Variants in CENPW observed in about 807,000 individuals in gnomAD.
The protein encoded by CENPW is centromere protein W.
A neutral mutation model predicts 11.1 loss-of-function variants in CENPW; 3 were observed. The observed-to-expected ratio is 0.27, with a 90% CI of 0.12 to 0.70. The LOEUF (loss-of-function observed/expected upper bound fraction) is 0.70, where lower values mean the gene tolerates loss of function less well. Ranked by LOEUF, CENPW falls within the 30% of genes least tolerant of loss-of-function variation. CENPW has a pLI of 0.77. For missense variants in CENPW, 100 were observed against 105.6 expected, an observed-to-expected ratio of 0.95 and a Z score of 0.23; for synonymous variants, 38 against 42.0, an observed-to-expected ratio of 0.91 and a Z score of 0.37.
At chr6:126,386,699 CT>C in the CENPW span, among the ~76,000 whole-genome samples, 66,246 of 151,644 alleles carry the variant, frequency 0.44, 16,872 homozygotes, top group East Asian at 0.98. Context: ...ATTCAACACC[CT>C]TTTTTATTCC....
chr6:126,380,459 T>C, the CENPW span, among the ~76,000 whole-genome samples: 1 of 152,158 alleles, frequency 6.6e-6, no homozygotes. Context: ...GGCTCTGCTG[T>C]TGTGTGTAAT....
the CENPW span, among the ~76,000 whole-genome samples, chr6:126,453,837 G>T: frequency 2.6e-5 from 4 of 151,196 alleles, no homozygotes. Context: ...ACACCCATAG[G>T]TGCAGGGTAA....
At chr6:126,386,685 T>C in the CENPW span, among the ~76,000 whole-genome samples, 1 of 129,932 alleles carries the variant, frequency 7.7e-6, no homozygotes, top group African/African-American at 2.5e-5. Context: ...TAATTTATTT[T>C]TTTATTCAAC....
chr6:126,448,063 T>C, the CENPW span, among the ~76,000 whole-genome samples: 1 of 151,190 alleles, frequency 6.6e-6, no homozygotes, highest in Non-Finnish European at 1.5e-5. Flanking sequence ...ATCAGCAGAG[T>C]ATGTTAAAAA....
At chr6:126,400,689 T>A in the CENPW span, among the ~76,000 whole-genome samples, 1 of 152,194 alleles carries the variant, frequency 6.6e-6, no homozygotes, top group African/African-American at 2.4e-5. Flanking sequence ...TTGTTATTGT[T>A]ACACAAATCT....
chr6:126,446,358 C>A, the CENPW span, among the ~76,000 whole-genome samples: 1 of 138,370 alleles, frequency 7.2e-6, no homozygotes, highest in Non-Finnish European at 1.6e-5. Context: ...CCCTCCCTGG[C>A]CCCCCCACAA....
At chr6:126,421,996 G>C in the CENPW span, among the ~76,000 whole-genome samples, 1 of 152,062 alleles carries the variant, frequency 6.6e-6, no homozygotes, top group East Asian at 1.9e-4. Flanking sequence ...GAAATAACCA[G>C]AAGAAAAGGG....
At chr6:126,468,217 T>C in the CENPW span, among the ~76,000 whole-genome samples, 5,128 of 151,688 alleles carry the variant, frequency 0.034, 112 homozygotes, top group Non-Finnish European at 0.051. Flanking sequence ...GGTTGGGAGT[T>C]TGAGACCAGC....
chr6:126,459,498 A>G, the CENPW span, among the ~76,000 whole-genome samples: 1 of 151,658 alleles, frequency 6.6e-6, no homozygotes, highest in Non-Finnish European at 1.5e-5. Flanking sequence ...CAGAATGACA[A>G]TTGTTTACCT....
At chr6:126,480,250 G>T in the CENPW span, among the ~76,000 whole-genome samples, 1 of 151,938 alleles carries the variant, frequency 6.6e-6, no homozygotes, top group Non-Finnish European at 1.5e-5. Flanking sequence ...TCAAGGAAAG[G>T]GTTAGGAGAA....
chr6:126,438,844 A>T, the CENPW span, among the ~76,000 whole-genome samples: 7 of 151,728 alleles, frequency 4.6e-5, no homozygotes, highest in Admixed American at 4.6e-4. Flanking sequence ...TACACTTTTA[A>T]TTAAACAAAA....
chr6:126,385,400 T>C, the CENPW span, among the ~76,000 whole-genome samples: 1 of 152,164 alleles, frequency 6.6e-6, no homozygotes, highest in African/African-American at 2.4e-5. Flanking sequence ...ATGTGGTGCA[T>C]ATACCATGGA....
the CENPW span, among the ~76,000 whole-genome samples, chr6:126,441,569 A>C: frequency 1.3e-5 from 2 of 151,414 alleles, no homozygotes; most frequent in South Asian, 2.1e-4. Flanking sequence ...AGCAGTGTAC[A>C]CTGTGCCCAA....
the CENPW span, among the ~76,000 whole-genome samples, chr6:126,423,895 G>A: frequency 6.6e-6 from 1 of 150,766 alleles, no homozygotes; most frequent in African/African-American, 2.4e-5. Context: ...CAATGTGCAG[G>A]TTAGTTACAT....
the CENPW span, among the ~76,000 whole-genome samples, chr6:126,413,725 A>G: frequency 6.6e-6 from 1 of 152,084 alleles, no homozygotes; most frequent in Middle Eastern, 3.4e-3. Context: ...AAACCACCAT[A>G]TCACGATGAT....
At chr6:126,372,845 A>C in the CENPW span, among the ~76,000 whole-genome samples, 1 of 152,212 alleles carries the variant, frequency 6.6e-6, no homozygotes, top group Non-Finnish European at 1.5e-5. Flanking sequence ...ATTGCTACTC[A>C]CATAAGTCCT....
chr6:126,357,042 C>A, the CENPW span, among the ~76,000 whole-genome samples: 1 of 152,128 alleles, frequency 6.6e-6, no homozygotes, highest in Non-Finnish European at 1.5e-5. Context: ...AGGGTATTTC[C>A]TAGGCTGCTT....
chr6:126,381,299 A>G, the CENPW span, among the ~76,000 whole-genome samples: 2 of 152,192 alleles, frequency 1.3e-5, no homozygotes, highest in Admixed American at 1.3e-4. Flanking sequence ...TGTTGGCAGC[A>G]GTATCACCCT....
chr6:126,433,789 G>C, the CENPW span, among the ~76,000 whole-genome samples: 1 of 152,066 alleles, frequency 6.6e-6, no homozygotes, highest in South Asian at 2.1e-4. Flanking sequence ...TCTCAACCTT[G>C]TCTTGATTAT....
Sources: allele counts gnomAD v4.1 joint callset (sites outside exome capture counted in the v4.1 genomes callset), GRCh38; gene constraint gnomAD v4.1.1; transcripts MANE v1.5; gene names NCBI Gene and HGNC (gene_info 2026-07-23, HGNC 2026-07-21).